ANO6: variants seen among roughly 807,000 people sequenced by gnomAD.
ANO6 encodes anoctamin-6.
A neutral mutation model predicts 117.5 loss-of-function variants in ANO6; 106 were observed. The observed-to-expected ratio is 0.90, with a 90% CI of 0.77 to 1.06. The LOEUF (loss-of-function observed/expected upper bound fraction) is 1.06, where lower values mean the gene tolerates loss of function less well. Ranked by LOEUF, ANO6 falls within the 50% of genes least tolerant of loss-of-function variation. The probability of loss-of-function intolerance (pLI) is 0.00; values close to 1 mark genes in which losing one functional copy is unlikely to be tolerated. For missense variants in ANO6, 955 were observed against 1,121.1 expected (o/e 0.85, Z 2.12); for synonymous variants, 367 against 385.1 (o/e 0.95, Z 0.55).
chr12:45,422,353 T>C (rs1943387005), intron 18 of ANO6, among the ~76,000 whole-genome samples: 1 of 152,168 alleles, frequency 6.6e-6, no homozygotes, highest in African/African-American at 2.4e-5. Flanking sequence ...AGGAATTGTT[T>C]TGAGAAAACA....
chr12:45,239,587 A>G (rs959403266), intron 1 of ANO6, among the ~76,000 whole-genome samples: 4 of 150,972 alleles, frequency 2.6e-5, no homozygotes, highest in Admixed American at 6.6e-5. Flanking sequence ...GTCTTCTGCT[A>G]GCTTTTGAAT....
intron 12 of ANO6, among the ~76,000 whole-genome samples, chr12:45,396,812 T>C (rs1942627668): frequency 6.6e-6 from 1 of 152,208 alleles, no homozygotes; most frequent in East Asian, 1.9e-4. Context: ...ATCCCTTCCT[T>C]ACACCTTGTA....
At chr12:45,336,168 A>T (rs1016966190) in intron 3 of ANO6, among the ~76,000 whole-genome samples, 3 of 152,006 alleles carry the variant, frequency 2.0e-5, no homozygotes, top group African/African-American at 7.2e-5. Context: ...TTAGTCCTAG[A>T]TTGCTAAGCA....
intron 16 of ANO6, among the ~76,000 whole-genome samples, chr12:45,415,950 C>T (rs1052925430): frequency 1.3e-5 from 2 of 152,108 alleles, no homozygotes; most frequent in African/African-American, 2.4e-5. Context: ...TCTTCCTCTC[C>T]GTGGTATCAC....
At chr12:45,348,473 A>T in intron 5 of ANO6, 45 bp from the exon 6 acceptor site, 1 of 1,541,694 alleles carries the variant, frequency 6.5e-7, no homozygotes, top group Non-Finnish European at 9.0e-7. Context: ...TGGATTGGTT[A>T]ATTACACTAT....
chr12:45,380,929 T>C (rs756543313), intron 10 of ANO6, among the ~76,000 whole-genome samples: 9 of 152,296 alleles, frequency 5.9e-5, no homozygotes, highest in Admixed American at 2.6e-4. Context: ...ATCACACTAC[T>C]GCACTCCAGC....
chr12:45,378,828 CACT>C (rs1267935318), intron 10 of ANO6, among the ~76,000 whole-genome samples: 1 of 152,140 alleles, frequency 6.6e-6, no homozygotes. Context: ...CTTTCTCATA[CACT>C]TCTATGTGAG....
chr12:45,334,897 A>T (rs989155548), intron 3 of ANO6, among the ~76,000 whole-genome samples: 10 of 152,040 alleles, frequency 6.6e-5, no homozygotes, highest in Admixed American at 3.3e-4. Context: ...AACTGCTAAC[A>T]ATCGGCAGAA....
chr12:45,265,758 G>A (rs1938195780), intron 1 of ANO6, among the ~76,000 whole-genome samples: 1 of 152,218 alleles, frequency 6.6e-6, no homozygotes, highest in South Asian at 2.1e-4. Flanking sequence ...GGGATAAAGC[G>A]CAAACCTCAG....
chr12:45,350,330 G>T (rs1002589660), intron 6 of ANO6, among the ~76,000 whole-genome samples: 1 of 152,090 alleles, frequency 6.6e-6, no homozygotes, highest in African/African-American at 2.4e-5. Flanking sequence ...GGTGATTTGG[G>T]CACTTGGGTG....
chr12:45,263,367 C>CTTTTTT (rs72457782), intron 1 of ANO6, among the ~76,000 whole-genome samples: 1 of 79,176 alleles, frequency 1.3e-5, no homozygotes, highest in African/African-American at 5.0e-5. Context: ...CTGGCCTGGC[C>CTTTTTT]TTTTTTTTTT....
At chr12:45,220,438 C>G (rs1447966809) in intron 1 of ANO6, among the ~76,000 whole-genome samples, 1 of 152,178 alleles carries the variant, frequency 6.6e-6, no homozygotes, top group African/African-American at 2.4e-5. Flanking sequence ...CCTCTCTTTC[C>G]TTATTACCTA....
Position 45,246,759 on chromosome 12 carries a change from C to CTTT in ANO6, c.70+30389_70+30391dup, listed in dbSNP as rs34322669. Among the ~76,000 whole-genome samples, 105 of 113,886 alleles carry CTTT rather than the reference C, an allele frequency of 9.2e-4. 1 individual carries two copies. Among genetic ancestry groups the CTTT allele is most frequent in the Non-Finnish European group, 1.1e-3 (64 of 56,404 alleles). The allele number at this position is 113,886 out of a possible 152,430, so 74.7% of individuals were successfully genotyped here. On this transcript the variant is annotated intron_variant, in intron 1 of 19. Transcript: ENST00000320560. The stretch of plus-strand genomic sequence containing the variant: ...CTTCACATGGGCTAGTTCCACCCTA[C>CTTT]TTTTTTTTTTTTTTTTTTTTTTTGA...
intron 1 of ANO6, among the ~76,000 whole-genome samples, chr12:45,268,468 T>C (rs893645995): frequency 1.3e-5 from 2 of 152,156 alleles, no homozygotes; most frequent in African/African-American, 4.8e-5. Context: ...TGCAGTGAGC[T>C]GAAATTGCAC....
intron 9 of ANO6, among the ~76,000 whole-genome samples, chr12:45,370,397 T>C (rs1239301141): frequency 6.6e-6 from 1 of 152,236 alleles, no homozygotes; most frequent in East Asian, 1.9e-4. Context: ...GTACACTTGC[T>C]CTTTCATAAT....
At chr12:45,231,566 G>A (rs140432765) in intron 1 of ANO6, among the ~76,000 whole-genome samples, 69 of 152,286 alleles carry the variant, frequency 4.5e-4, no homozygotes, top group African/African-American at 1.5e-3. Context: ...TTTCATAGGA[G>A]TTACTTTTTC....
Position 45,287,371 on chromosome 12 carries a change from TC to T in ANO6, c.71-14642del, listed in dbSNP as rs1230284210. On this transcript the variant is annotated intron_variant, in intron 1 of 19. Transcript: ENST00000320560. The stretch of plus-strand genomic sequence containing the variant: ...GTGATCTTATGCAAAATACCTAACT[TC>T]TCCATGCCTCTTCATCAGTGATATG... Among the ~76,000 whole-genome samples the T allele has an allele frequency of 5.3e-5, 8 of 152,192 alleles. No individual in the cohort carries two copies. In the East Asian group the frequency reaches 1.2e-3, roughly 22 times the overall value.
chr12:45,278,107 C>T (rs1245159815), intron 1 of ANO6, among the ~76,000 whole-genome samples: 1 of 151,920 alleles, frequency 6.6e-6, no homozygotes, highest in African/African-American at 2.4e-5. Flanking sequence ...TATATGCATG[C>T]ACCACACCTG....
chr12:45,301,633 G>T (rs1371268787), intron 1 of ANO6, among the ~76,000 whole-genome samples: 1 of 147,374 alleles, frequency 6.8e-6, no homozygotes. Flanking sequence ...AAAAAAAAAA[G>T]AAAAAGAAGA....
Sources: gnomAD v4.1 joint callset for allele counts (sites outside exome capture counted in the v4.1 genomes callset) on GRCh38, gnomAD v4.1.1 for gene constraint, MANE v1.5 for transcripts, NCBI Gene and HGNC (gene_info 2026-07-23, HGNC 2026-07-21) for gene names.